Variants in MUSK observed in about 807,000 individuals in gnomAD.
MUSK encodes the protein muscle associated receptor tyrosine kinase.
A neutral mutation model predicts 88.7 loss-of-function variants in MUSK; 55 were observed. The ratio of observed to expected loss-of-function variants is 0.62; its 90% CI spans 0.50 to 0.78. The LOEUF is 0.78. MUSK is among the 30% of genes least tolerant of loss of function. The probability of loss-of-function intolerance (pLI) is 0.00; values close to 1 mark genes in which losing one functional copy is unlikely to be tolerated. For synonymous variants in MUSK, 387 were observed against 391.9 expected, an observed-to-expected ratio of 0.99 and a Z score of 0.15; for missense variants, 1,015 against 1,074.3, an observed-to-expected ratio of 0.94 and a Z score of 0.77.
chr9:110,737,113 A>C (rs533101125), intron 6 of MUSK, among the ~76,000 whole-genome samples: 153 of 152,128 alleles, frequency 1.0e-3, no homozygotes, highest in African/African-American at 3.2e-3. Context: ...TTAGTTTGTT[A>C]CATCTGTTAA....
At chr9:110,763,058 T>G (rs926890786) in intron 8 of MUSK, among the ~76,000 whole-genome samples, 2 of 152,316 alleles carry the variant, frequency 1.3e-5, no homozygotes, top group Middle Eastern at 3.4e-3. Flanking sequence ...CGTACATGTT[T>G]TAAAACATCA....
At position 110,753,126 on chromosome 9, in the gene MUSK, G is replaced by A. The variant is rs191516049; in HGVS notation, c.913+5326G>A. ...GCCGGAGACCATGAAAATGGACACA[G>A]GGATTCAGAAGAGAAAAATACAGGC... is the stretch of plus-strand genomic sequence containing the variant. On this transcript the variant is annotated intron_variant, in intron 7 of 14. Transcript: ENST00000374448. Among the ~76,000 whole-genome samples, 539 of 152,224 alleles carry A rather than the reference G, an allele frequency of 3.5e-3. 1 individual carries two copies. Among genetic ancestry groups the A allele is most frequent in the African/African-American group, 0.012 (511 of 41,548 alleles).
chr9:110,695,351 G>C (rs1290263913), intron 3 of MUSK, 52 bp from the exon 4 acceptor site: 1 of 1,246,758 alleles, frequency 8.0e-7, no homozygotes, highest in Non-Finnish European at 1.1e-6. Flanking sequence ...GAAACTCTAG[G>C]TTTAATAAAG....
At chr9:110,753,378 G>A (rs984577463) in intron 7 of MUSK, among the ~76,000 whole-genome samples, 3 of 150,988 alleles carry the variant, frequency 2.0e-5, no homozygotes, top group Non-Finnish European at 4.4e-5. Flanking sequence ...GCTGCAATGA[G>A]CTGAAATTGC....
rs1433490766 is a variant in MUSK at position 110,690,167 on chromosome 9, A to AATATATATTTAAGT, written c.358+2906_358+2907insTTTAAGTATATATA. Among the ~76,000 whole-genome samples the AATATATATTTAAGT allele has an allele frequency of 8.0e-3, 786 of 98,234 alleles. 65 individuals carry two copies. Among genetic ancestry groups the AATATATATTTAAGT allele is most frequent in the African/African-American group, 0.036 (755 of 21,034 alleles). 64.4% of individuals were successfully genotyped at this position (98,234 alleles called of 152,430 possible). A position where few individuals can be genotyped will look rare whatever the true frequency, so the allele number is the denominator to read the frequency against. On this transcript the variant is annotated intron_variant, in intron 3 of 14. Transcript: ENST00000374448. ...ATATATATTTAAGTATAAATATATA[A>AATATATATTTAAGT]ATATATAAATATATATTTAAGTATA...
At chr9:110,757,905 G>A (rs1564270812) in intron 7 of MUSK, among the ~76,000 whole-genome samples, 1 of 152,038 alleles carries the variant, frequency 6.6e-6, no homozygotes, top group African/African-American at 2.4e-5. Flanking sequence ...AAGAAAAATG[G>A]GTCCCTCTTT....
intron 3 of MUSK, among the ~76,000 whole-genome samples, chr9:110,691,655 C>T (rs1587911702): frequency 6.6e-6 from 1 of 152,282 alleles, no homozygotes; most frequent in African/African-American, 2.4e-5. Context: ...CCTTCATCTT[C>T]TCTTCTCTGA....
chr9:110,669,919 C>A (rs183086971), intron 1 of MUSK, among the ~76,000 whole-genome samples: 2 of 152,196 alleles, frequency 1.3e-5, no homozygotes, highest in Non-Finnish European at 2.9e-5. Context: ...TAATCATTTT[C>A]CCTTTATATT....
In MUSK at chr9:110,803,308, T is replaced by C. The variant is rs909697134; in HGVS notation, c.*2320T>C. Among the ~76,000 whole-genome samples, 13 of 152,180 alleles carry C rather than the reference T, an allele frequency of 8.5e-5. No individual in the cohort carries two copies. The highest frequency in any genetic ancestry group is 3.1e-4 in the African/African-American group (13 of 41,422). ...ATCATTATATACATTTTAGTTTTGCTTTGTTTTGTTTTGTTTTTGAGACGG... is the reference window on the plus strand; with the variant it reads ...ATCATTATATACATTTTAGTTTTGCCTTGTTTTGTTTTGTTTTTGAGACGG... On this transcript the variant is annotated 3_prime_UTR_variant, in exon 15 of 15. Coordinates refer to ENST00000374448, the MANE Select transcript of MUSK (RefSeq NM_005592.4).
intron 3 of MUSK, among the ~76,000 whole-genome samples, chr9:110,692,333 T>G (rs1485100182): frequency 6.6e-6 from 1 of 151,942 alleles, no homozygotes; most frequent in Non-Finnish European, 1.5e-5. Context: ...CTACTTTTAT[T>G]TATTTATTTA....
At chr9:110,774,962 T>C (rs1482088869) in intron 9 of MUSK, among the ~76,000 whole-genome samples, 1 of 152,160 alleles carries the variant, frequency 6.6e-6, no homozygotes, top group Non-Finnish European at 1.5e-5. Flanking sequence ...TTATGTTTAA[T>C]TTATTTAATT....
rs1007209190 is a variant in MUSK, at chr9:110,770,416, CTT to C, written c.1184+2334_1184+2335del. 2.8e-5 allele frequency among the ~76,000 whole-genome samples: 4 copies of C among 143,798 alleles called. No homozygotes were observed. In the East Asian group the frequency reaches 5.9e-4, roughly 21 times the overall value. 94.3% of individuals were successfully genotyped at this position (143,798 alleles called of 152,430 possible). Reference sequence around the variant, plus strand: ...TATAATTATATATTATAGTATATAACTTATATAATTGATATAATTTACAATTA... The same window carrying C: ...TATAATTATATATTATAGTATATAACATATAATTGATATAATTTACAATTA... On this transcript the variant is annotated intron_variant, in intron 9 of 14. Transcript: ENST00000374448.
chr9:110,695,272 G>T, intron 3 of MUSK, 131 bp from the exon 4 acceptor site: 2 of 627,472 alleles, frequency 3.2e-6, no homozygotes, highest in Non-Finnish European at 5.1e-6. Flanking sequence ...TTTGCATTTG[G>T]TGAATTTTGT....
intron 5 of MUSK, among the ~76,000 whole-genome samples, chr9:110,731,862 G>T (rs1291177088): frequency 2.6e-5 from 4 of 151,936 alleles, no homozygotes; most frequent in Non-Finnish European, 5.9e-5. Flanking sequence ...GATAATCAGA[G>T]GTTTCACAAT....
At chr9:110,798,191 T>A (rs1295305426) in intron 14 of MUSK, among the ~76,000 whole-genome samples, 2 of 152,286 alleles carry the variant, frequency 1.3e-5, no homozygotes, top group East Asian at 3.9e-4. Flanking sequence ...ATGACAATAG[T>A]GGAAGAAAGG....
At chr9:110,701,809 AT>A (rs1229058978) in intron 5 of MUSK, among the ~76,000 whole-genome samples, 1 of 592 alleles carries the variant, frequency 1.7e-3, no homozygotes. Flanking sequence ...ATTTTATTTT[AT>A]TTTATTTTAT....
chr9:110,760,389 A>G (rs1253429505), intron 7 of MUSK, among the ~76,000 whole-genome samples: 1 of 152,192 alleles, frequency 6.6e-6, no homozygotes, highest in African/African-American at 2.4e-5. Flanking sequence ...CATAAAAAAT[A>G]ATAAGATCAT....
intron 13 of MUSK, among the ~76,000 whole-genome samples, chr9:110,786,719 G>A (rs2077873274): frequency 6.6e-6 from 1 of 152,164 alleles, no homozygotes; most frequent in Non-Finnish European, 1.5e-5. Flanking sequence ...CAAGAAAGGA[G>A]TATGTATTAG....
chr9:110,785,719 G>A lies in MUSK; in HGVS notation c.1778+1G>A. On this transcript the variant is annotated splice_donor_variant, in intron 13 of 14. Transcript: ENST00000374448. LOFTEE classifies it high-confidence loss of function. Reference sequence around the variant, plus strand: ...CGTTTGGAAGGGTGTTTCAAGCAAGGTAAAGTTACCTATGGAAAAAAAAAC... The same window carrying A: ...CGTTTGGAAGGGTGTTTCAAGCAAGATAAAGTTACCTATGGAAAAAAAAAC... The A allele has an allele frequency of 1.3e-6, 2 of 1,586,002 alleles. No homozygotes were observed.
Sources: gnomAD v4.1 joint callset for allele counts (sites outside exome capture counted in the v4.1 genomes callset) on GRCh38, gnomAD v4.1.1 for gene constraint, MANE v1.5 for transcripts, NCBI Gene and HGNC (gene_info 2026-07-23, HGNC 2026-07-21) for gene names.